The following ACSM3 variants were observed in gnomAD, a reference collection of about 807,000 sequenced individuals.
The protein encoded by ACSM3 is acyl-CoA synthetase medium chain family member 3.
In ACSM3, 61 loss-of-function variants were observed where a neutral mutation model predicts 74.1. That is an observed-to-expected ratio of 0.82 (90% confidence interval 0.67 to 1.02). The LOEUF (loss-of-function observed/expected upper bound fraction) is 1.02, where lower values mean the gene tolerates loss of function less well. ACSM3 is among the 50% of genes least tolerant of loss of function. The pLI, the probability that ACSM3 is intolerant of heterozygous loss-of-function variation, is 0.00. For missense variants in ACSM3, 660 were observed against 697.0 expected (o/e 0.95, Z 0.60); for synonymous variants, 213 against 241.5 (o/e 0.88, Z 1.09).
intron 1 of ACSM3, chr16:20,718,451 A>T (rs1415236713): frequency 1.8e-6 from 1 of 552,028 alleles, no homozygotes; most frequent in Non-Finnish European, 2.8e-6. Flanking sequence ...ATGGCCCAGC[A>T]CTCTCAGAGC....
intron 1 of ACSM3, chr16:20,736,339 T>C (rs1743353688): frequency 1.3e-5 from 2 of 148,836 alleles, no homozygotes; most frequent in Admixed American, 6.7e-5. Flanking sequence ...CCTTCCAAAA[T>C]TGCGACACTG....
intron 1 of ACSM3, among the ~76,000 whole-genome samples, chr16:20,678,365 C>T (rs2079357122): frequency 6.6e-6 from 1 of 152,120 alleles, no homozygotes; most frequent in Admixed American, 6.5e-5. Flanking sequence ...ACTGCTATTA[C>T]TCAAGCCATT....
rs970163600 is a variant in ACSM3, at chr16:20,775,973, A to G, written c.354A>G (p.Gln118=). 4 of 1,614,038 alleles carry G rather than the reference A, an allele frequency of 2.5e-6. No individual in the cohort carries two copies. The highest frequency in any genetic ancestry group is 3.4e-6 in the Non-Finnish European group (4 of 1,180,040). ...ANILSEACSL[Q]RGDRVILILP... is the part of the protein sequence containing the mutation. Reference sequence around the variant, plus strand: ...TACTTTCAGAAGCCTGTTCCCTACAAAGAGGAGATCGGGTAATTCTGATTC... The same window carrying G: ...TACTTTCAGAAGCCTGTTCCCTACAGAGAGGAGATCGGGTAATTCTGATTC... The change falls in exon 3 of 14, where the codon CAA becomes CAG. Residue 118 remains glutamine (Q), a synonymous_variant. Transcript: ENST00000289416.
At chr16:20,693,520 C>G (rs2079673961) in intron 1 of ACSM3, among the ~76,000 whole-genome samples, 2 of 152,186 alleles carry the variant, frequency 1.3e-5, no homozygotes, top group African/African-American at 4.8e-5. Context: ...TAAGTTCCCT[C>G]TTGCTCACTT....
chr16:20,781,119 T>C lies in ACSM3; in HGVS notation c.928T>C (p.Ser310Pro). Residue 310 changes from serine to proline, a missense_variant, in exon 6 of 14, where the codon TCT becomes CCT. Ser to Pro is a moderately conservative substitution (Grantham distance 74, BLOSUM62 -1). Transcript: ENST00000289416. ...THHLPRFEPT[S>P]ILQTLSKYPI... ...CCATTTACCCCGTTTTGAGCCGACT[T>C]CTATCTTGCAAGTAAGCCAAAGCAC... 1 of 1,614,000 alleles carries C rather than the reference T, an allele frequency of 6.2e-7. No homozygotes were observed. The highest frequency in any genetic ancestry group is 8.5e-7 in the Non-Finnish European group (1 of 1,179,972).
At chr16:20,738,839 A>G in intron 1 of ACSM3, 1 of 1,578,816 alleles carries the variant, frequency 6.3e-7, no homozygotes, top group Non-Finnish European at 8.6e-7. Flanking sequence ...GTATTCCCTG[A>G]GACAGGAAGA....
intron 4 of ACSM3, among the ~76,000 whole-genome samples, chr16:20,777,868 C>T (rs1319690324): frequency 6.6e-6 from 1 of 152,162 alleles, no homozygotes; most frequent in Non-Finnish European, 1.5e-5. Context: ...TCGGACTGGG[C>T]AGAGAAAGAA....
At chr16:20,691,479 C>T (rs2079651411) in intron 1 of ACSM3, among the ~76,000 whole-genome samples, 1 of 152,122 alleles carries the variant, frequency 6.6e-6, no homozygotes, top group African/African-American at 2.4e-5. Flanking sequence ...TAGGGGTCTT[C>T]TCCTTCAACC....
At chr16:20,729,179 C>T (rs576574851) in intron 1 of ACSM3, 3 of 676,186 alleles carry the variant, frequency 4.4e-6, no homozygotes, top group Non-Finnish European at 8.3e-6. Context: ...AGTGTTATAC[C>T]CATTTCTGTT....
chr16:20,793,328 G>C (rs2080644511), intron 12 of ACSM3, among the ~76,000 whole-genome samples: 1 of 152,084 alleles, frequency 6.6e-6, no homozygotes, highest in Admixed American at 6.6e-5. Flanking sequence ...AATTAGCCAG[G>C]CATGGTGGCA....
intron 1 of ACSM3, among the ~76,000 whole-genome samples, chr16:20,686,153 AT>A (rs540598453): frequency 3.3e-5 from 5 of 152,188 alleles, no homozygotes; most frequent in Non-Finnish European, 7.3e-5. Flanking sequence ...AATAAATATT[AT>A]TATTATCACA....
intron 1 of ACSM3, chr16:20,738,930 T>C (rs769886603): frequency 6.8e-6 from 11 of 1,614,086 alleles, no homozygotes; most frequent in Admixed American, 5.0e-5. Context: ...ACAACGTTAT[T>C]TGCTCCACTT....
chr16:20,781,319 T>C (rs915145513), intron 6 of ACSM3, among the ~76,000 whole-genome samples, 189 bp downstream of exon 6: 5 of 152,186 alleles, frequency 3.3e-5, no homozygotes, highest in Non-Finnish European at 7.3e-5. Context: ...CTGCAGCCTC[T>C]GATTCTGCCA....
intron 1 of ACSM3, among the ~76,000 whole-genome samples, chr16:20,715,530 G>A (rs2079758684): frequency 6.6e-6 from 1 of 151,890 alleles, no homozygotes; most frequent in Admixed American, 6.6e-5. Flanking sequence ...GTTGAACCTG[G>A]GATGTGGAGG....
At chr16:20,690,621 C>T (rs1453712559) in intron 1 of ACSM3, among the ~76,000 whole-genome samples, 2 of 152,212 alleles carry the variant, frequency 1.3e-5, no homozygotes, top group Non-Finnish European at 2.9e-5. Flanking sequence ...AGTTTGATGA[C>T]ATGAATACCA....
chr16:20,721,743 T>C (rs1426001734), intron 1 of ACSM3: 1 of 152,166 alleles, frequency 6.6e-6, no homozygotes, highest in Non-Finnish European at 1.5e-5. Flanking sequence ...TAGAATAAAG[T>C]CAGTATCACT....
chr16:20,687,441 G>A (rs1341901233), intron 1 of ACSM3, among the ~76,000 whole-genome samples: 2 of 152,044 alleles, frequency 1.3e-5, no homozygotes, highest in African/African-American at 2.4e-5. Context: ...GCCTGAGAAG[G>A]CCTAAAGCCT....
chr16:20,702,596 T>C (rs942493189), intron 1 of ACSM3, among the ~76,000 whole-genome samples: 6 of 152,202 alleles, frequency 3.9e-5, no homozygotes, highest in African/African-American at 7.2e-5. Context: ...GTTTGTTGGC[T>C]GAATAAATAT....
At chr16:20,689,092 A>G (rs915837985) in intron 1 of ACSM3, among the ~76,000 whole-genome samples, 1 of 150,700 alleles carries the variant, frequency 6.6e-6, no homozygotes, top group Non-Finnish European at 1.5e-5. Flanking sequence ...TGACATCAAT[A>G]ACATAAAGTG....
Sources: allele counts gnomAD v4.1 joint callset (sites outside exome capture counted in the v4.1 genomes callset), GRCh38; gene constraint gnomAD v4.1.1; transcripts MANE v1.5; gene names NCBI Gene and HGNC (gene_info 2026-07-23, HGNC 2026-07-21).